The following CDC42BPA variants were observed in gnomAD, a reference collection of about 807,000 sequenced individuals.
CDC42BPA encodes CDC42 binding protein kinase alpha, also known as serine/threonine-protein kinase MRCK alpha.
In CDC42BPA, 80 loss-of-function variants were observed where a neutral mutation model predicts 223.5. The ratio of observed to expected loss-of-function variants is 0.36; its 90% confidence interval spans 0.30 to 0.43. The LOEUF is 0.43. CDC42BPA is among the 20% of genes least tolerant of loss of function. The pLI is 1.00. For missense variants in CDC42BPA, 1,743 were observed against 2,099.9 expected (o/e 0.83, Z 3.32); for synonymous variants, 694 against 718.6 (o/e 0.97, Z 0.55).
At chr1:227,033,236 G>T in intron 27 of CDC42BPA, 98 bp downstream of exon 27, 1 of 695,432 alleles carries the variant, frequency 1.4e-6, no homozygotes, top group Non-Finnish European at 2.5e-6. Flanking sequence ...TATAAGATTT[G>T]GTTTTACTTA....
chr1:227,126,150 C>T (rs1689542760), intron 11 of CDC42BPA, among the ~76,000 whole-genome samples: 1 of 152,038 alleles, frequency 6.6e-6, no homozygotes, highest in African/African-American at 2.4e-5. Flanking sequence ...TGACCTACAC[C>T]CTATTCCCTA....
At chr1:227,132,686 G>C (rs1301680670) in intron 10 of CDC42BPA, among the ~76,000 whole-genome samples, 1 of 150,814 alleles carries the variant, frequency 6.6e-6, no homozygotes, top group Non-Finnish European at 1.5e-5. Context: ...AGGAAGTGAG[G>C]AGCGCCTCTT....
intron 21 of CDC42BPA, chr1:227,059,455 A>G: frequency 6.7e-7 from 1 of 1,483,054 alleles, no homozygotes; most frequent in Non-Finnish European, 9.2e-7. Context: ...AAATATTTAC[A>G]CACATAAGAC....
rs1694524851 is a variant in CDC42BPA at position 227,317,021 on chromosome 1, G to C, written c.162C>G (p.Leu54=). The C allele has an allele frequency of 1.2e-6, 2 of 1,612,362 alleles. No individual in the cohort carries two copies. Among genetic ancestry groups the C allele is most frequent in the African/African-American group, 1.3e-5 (1 of 74,960 alleles). The part of the protein sequence containing the change: ...NSPLRREKNI[L]EYLEWAKPFT... Reference sequence around the variant, plus strand: ...CAAACTTACCCCATTCTAGGTATTCGAGAATGTTCTTCTCTCTTCTCAATG... The same window carrying C: ...CAAACTTACCCCATTCTAGGTATTCCAGAATGTTCTTCTCTCTTCTCAATG... Residue 54 remains leucine, a synonymous_variant, in exon 1 of 37, where the codon CTC becomes CTG. Coordinates refer to ENST00000366766, the MANE Select transcript of CDC42BPA (RefSeq NM_001394014.1).
intron 6 of CDC42BPA, among the ~76,000 whole-genome samples, chr1:227,148,206 G>C (rs1661039309): frequency 6.6e-6 from 1 of 152,124 alleles, no homozygotes; most frequent in African/African-American, 2.4e-5. Context: ...TGTAATCCCA[G>C]CACTTTGGGA....
chr1:226,995,296 C>T (rs1015170065), intron 35 of CDC42BPA, among the ~76,000 whole-genome samples: 6 of 152,212 alleles, frequency 3.9e-5, no homozygotes, highest in Non-Finnish European at 8.8e-5. Context: ...CTGGTGCTGC[C>T]TTGCACATCT....
Position 227,162,900 on chromosome 1 carries a change from ATG to A in CDC42BPA, c.600-2266_600-2265del, listed in dbSNP as rs1437212659. Among the ~76,000 whole-genome samples, 566 of 98,636 alleles carry A rather than the reference ATG, an allele frequency of 5.7e-3. 8 individuals are homozygous for A. The highest frequency in any genetic ancestry group is 0.022 in the African/African-American group (541 of 25,138). The allele number at this position is 98,636 out of a possible 152,430, so 64.7% of individuals were successfully genotyped here. A position where few individuals can be genotyped will look rare whatever the true frequency, so the allele number is the denominator to read the frequency against. On this transcript the variant is annotated intron_variant, in intron 5 of 36. Transcript: ENST00000366766. ...TGTGTGTGTGTGTTTCCAAACATAT[ATG>A]TGTGTGTATATGTGTGTGTTTCCAA... is the stretch of plus-strand genomic sequence containing the variant.
intron 5 of CDC42BPA, among the ~76,000 whole-genome samples, chr1:227,169,100 T>C (rs113509211): frequency 0.18 from 14,441 of 79,528 alleles, 847 homozygotes; most frequent in Middle Eastern, 0.34. Flanking sequence ...TTTGTATTTT[T>C]CATTTCTAGA....
intron 35 of CDC42BPA, among the ~76,000 whole-genome samples, chr1:227,003,477 A>G (rs1663318827): frequency 6.6e-6 from 1 of 152,204 alleles, no homozygotes; most frequent in Admixed American, 6.5e-5. Context: ...TGAAGCTACA[A>G]TGATCACTTG....
chr1:226,996,965 G>A (rs1397130409), intron 35 of CDC42BPA, among the ~76,000 whole-genome samples: 1 of 152,214 alleles, frequency 6.6e-6, no homozygotes, highest in Admixed American at 6.5e-5. Flanking sequence ...GATGATGCTG[G>A]CCTCATAAAA....
At chr1:227,193,997 T>A in intron 4 of CDC42BPA, 63 bp from the exon 5 acceptor site, 1 of 1,154,884 alleles carries the variant, frequency 8.7e-7, no homozygotes, top group Non-Finnish European at 1.2e-6. Context: ...CAATATACTG[T>A]ATCCCAAGGT....
chr1:227,210,478 G>C (rs2670450), intron 3 of CDC42BPA, among the ~76,000 whole-genome samples: 1 of 152,052 alleles, frequency 6.6e-6, no homozygotes, highest in Non-Finnish European at 1.5e-5. Context: ...AGAACAGGGA[G>C]AAGTGAGTCT....
At chr1:227,116,717 T>C (rs1050500461) in intron 12 of CDC42BPA, among the ~76,000 whole-genome samples, 4 of 152,196 alleles carry the variant, frequency 2.6e-5, no homozygotes, top group Non-Finnish European at 5.9e-5. Context: ...CTGGTCCCTT[T>C]TGAACAAATT....
intron 1 of CDC42BPA, among the ~76,000 whole-genome samples, chr1:227,307,101 GA>G (rs1234386929): frequency 6.6e-6 from 1 of 151,984 alleles, no homozygotes; most frequent in Non-Finnish European, 1.5e-5. Flanking sequence ...AGCTTTACTG[GA>G]AAAAAACAAA....
At chr1:227,071,636 T>C (rs1266379167) in intron 20 of CDC42BPA, among the ~76,000 whole-genome samples, 1 of 151,558 alleles carries the variant, frequency 6.6e-6, no homozygotes, top group Non-Finnish European at 1.5e-5. Context: ...TTTTCCTTAC[T>C]GAATTGCTCC....
intron 5 of CDC42BPA, among the ~76,000 whole-genome samples, chr1:227,174,026 A>T (rs901234901): frequency 1.3e-5 from 2 of 152,120 alleles, no homozygotes; most frequent in Non-Finnish European, 2.9e-5. Context: ...ATTTATATTT[A>T]AAAATTCCTA....
chr1:227,235,247 G>A (rs1678787729), intron 2 of CDC42BPA: 1 of 152,172 alleles, frequency 6.6e-6, no homozygotes, highest in Non-Finnish European at 1.5e-5. Context: ...CTAGAAAACT[G>A]ACTAGGGTGA....
chr1:227,060,292 A>G (rs904306673), intron 21 of CDC42BPA, among the ~76,000 whole-genome samples: 7 of 152,152 alleles, frequency 4.6e-5, no homozygotes, highest in Non-Finnish European at 7.4e-5. Context: ...TGGCCTCCCA[A>G]TCAAAATATT....
chr1:227,092,254 A>G (rs1683213001), intron 15 of CDC42BPA, among the ~76,000 whole-genome samples: 1 of 152,234 alleles, frequency 6.6e-6, no homozygotes, highest in South Asian at 2.1e-4. Flanking sequence ...GAATTGTTGC[A>G]GGTCTTGACA....
Sources: gnomAD v4.1 joint callset for allele counts (sites outside exome capture counted in the v4.1 genomes callset) on GRCh38, gnomAD v4.1.1 for gene constraint, MANE v1.5 for transcripts, NCBI Gene and HGNC (gene_info 2026-07-23, HGNC 2026-07-21) for gene names.